Variants in RBFOX1 observed in about 807,000 individuals in gnomAD.
RBFOX1 encodes the protein RNA binding protein fox-1 homolog 1.
A neutral mutation model predicts 57.7 loss-of-function variants in RBFOX1; 8 were observed. That is an observed-to-expected ratio of 0.14 (90% confidence interval 0.08 to 0.25). RBFOX1 has a LOEUF of 0.25. Among genes scored for constraint, RBFOX1 ranks in the 10% least tolerant of loss-of-function variants. The pLI is 1.00. For synonymous variants in RBFOX1, 326 were observed against 222.4 expected (o/e 1.47, Z -4.15); for missense variants, 611 against 548.5 (o/e 1.11, Z -1.14).
chr16:7,695,346 G>T (rs1372689362), intron 14 of RBFOX1, among the ~76,000 whole-genome samples: 1 of 152,084 alleles, frequency 6.6e-6, no homozygotes, highest in African/African-American at 2.4e-5. Context: ...AACAAAGGTT[G>T]TAACTCGTGG....
At chr16:5,490,003 G>T (rs4786693) in intron 2 of RBFOX1, among the ~76,000 whole-genome samples, 99,648 of 152,186 alleles carry the variant, frequency 0.65, 35,216 homozygotes, top group East Asian at 0.84. Flanking sequence ...TGTCTGTCTT[G>T]GTGCTGCCTG....
chr16:7,698,538 T>C (rs574599500), intron 14 of RBFOX1, among the ~76,000 whole-genome samples: 1 of 152,202 alleles, frequency 6.6e-6, no homozygotes, highest in African/African-American at 2.4e-5. Flanking sequence ...AACCTACACA[T>C]GCTGCCAGCT....
rs886802132 is a variant in RBFOX1 at position 6,256,127 on chromosome 16, A to G, written c.-126-60868A>G. On this transcript the variant is annotated intron_variant, in intron 1 of 15. Coordinates refer to ENST00000550418, the MANE Select transcript of RBFOX1 (RefSeq NM_018723.4). ...CATAGCAGTCTCTTATCTGTAACAA[A>G]TATATATATATGTGTGTATATATAT... Among the ~76,000 whole-genome samples the G allele has an allele frequency of 6.5e-4, 23 of 35,462 alleles. 2 individuals are homozygous for G. Among genetic ancestry groups the G allele is most frequent in the African/African-American group, 1.2e-3 (23 of 18,864 alleles). 23.3% of individuals were successfully genotyped at this position (35,462 alleles called of 152,430 possible).
chr16:5,547,706 A>G (rs1285000751), intron 2 of RBFOX1, among the ~76,000 whole-genome samples: 1 of 152,166 alleles, frequency 6.6e-6, no homozygotes, highest in African/African-American at 2.4e-5. Context: ...ATGGAATACT[A>G]CACAGCCGTA....
chr16:6,362,975 A>G (rs922578635), intron 2 of RBFOX1, among the ~76,000 whole-genome samples: 1 of 152,160 alleles, frequency 6.6e-6, no homozygotes, highest in African/African-American at 2.4e-5. Context: ...CCACCTGGGA[A>G]CCACCTCCCT....
At chr16:7,177,446 A>G (rs2081903989) in intron 4 of RBFOX1, among the ~76,000 whole-genome samples, 1 of 151,996 alleles carries the variant, frequency 6.6e-6, no homozygotes, top group Non-Finnish European at 1.5e-5. Context: ...GTAACAAAAT[A>G]CCACAAGCAC....
At chr16:5,273,929 T>C (rs1919059) in intron 1 of RBFOX1, among the ~76,000 whole-genome samples, 152,249 of 152,314 alleles carry the variant, frequency 1, 76,092 homozygotes, top group Non-Finnish European at 1. Flanking sequence ...ACCTGCCAGG[T>C]ATCCAGGGAC....
chr16:6,007,693 G>T (rs1236805218), intron 4 of RBFOX1, among the ~76,000 whole-genome samples: 1 of 152,164 alleles, frequency 6.6e-6, no homozygotes, highest in Non-Finnish European at 1.5e-5. Flanking sequence ...ACATACTTGT[G>T]GGATGAATGA....
downstream of RBFOX1, among the ~76,000 whole-genome samples, chr16:5,602,143 C>T (rs1032758271): frequency 4.6e-5 from 7 of 152,204 alleles, no homozygotes; most frequent in African/African-American, 1.4e-4. Flanking sequence ...TCCTGTCTTG[C>T]CTTGGAATGT....
At chr16:5,762,648 A>T (rs2053631041) in intron 3 of RBFOX1, among the ~76,000 whole-genome samples, 1 of 152,208 alleles carries the variant, frequency 6.6e-6, no homozygotes, top group Non-Finnish European at 1.5e-5. Flanking sequence ...AGTAAGTGGT[A>T]CTCATTGCTG....
Position 7,589,274 on chromosome 16 carries a change from T to C in RBFOX1, c.468+1974T>C, listed in dbSNP as rs142646325. 6.7e-4 allele frequency among the ~76,000 whole-genome samples: 102 copies of C among 152,360 alleles called. 2 individuals are homozygous for C. In the East Asian group the frequency reaches 0.017, roughly 26 times the overall value. On this transcript the variant is annotated intron_variant, in intron 7 of 15. Transcript: ENST00000550418. ...TTTTTAATATGTTTAATTTATATTT[T>C]GTTTTGTAACTTTTGCCAGTTACAA...
Position 7,432,073 on chromosome 16 carries a change from G to C in RBFOX1, c.28-86074G>C, listed in dbSNP as rs548701550. ...TGGGAAGGAGGGTGTCACTTCAGCA[G>C]TGGGGGCAGATGGGTCTTCAGATCC... On this transcript the variant is annotated intron_variant, in intron 4 of 15. Transcript: ENST00000550418. Among the ~76,000 whole-genome samples the C allele has an allele frequency of 2.2e-3, 335 of 152,348 alleles. 1 individual carries two copies. The highest frequency in any genetic ancestry group is 7.6e-3 in the African/African-American group (317 of 41,588).
At chr16:6,143,697 A>G (rs1193600089) in intron 1 of RBFOX1, among the ~76,000 whole-genome samples, 2 of 151,662 alleles carry the variant, frequency 1.3e-5, no homozygotes, top group East Asian at 3.9e-4. Flanking sequence ...TAGCAGCGGT[A>G]GTGGTGGTGG....
intron 4 of RBFOX1, among the ~76,000 whole-genome samples, chr16:5,952,652 G>A (rs1409867259): frequency 6.6e-6 from 1 of 152,156 alleles, no homozygotes; most frequent in African/African-American, 2.4e-5. Context: ...ATAGTGATGG[G>A]TGTAGCTGTA....
At chr16:7,681,335 T>C (rs530883794) in intron 14 of RBFOX1, among the ~76,000 whole-genome samples, 3 of 152,142 alleles carry the variant, frequency 2.0e-5, no homozygotes, top group South Asian at 4.1e-4. Flanking sequence ...CCTCTAATAT[T>C]TCATCATAAG....
intron 4 of RBFOX1, among the ~76,000 whole-genome samples, chr16:7,510,718 C>G (rs2074851854): frequency 6.6e-6 from 1 of 152,130 alleles, no homozygotes; most frequent in African/African-American, 2.4e-5. Context: ...TGGTGTAGAC[C>G]ATGCTCCTAA....
At chr16:7,266,689 A>G (rs967884937) in intron 4 of RBFOX1, among the ~76,000 whole-genome samples, 1 of 152,224 alleles carries the variant, frequency 6.6e-6, no homozygotes. Context: ...TTCTGTGTTC[A>G]TGAGCTTACA....
intron 3 of RBFOX1, among the ~76,000 whole-genome samples, chr16:5,674,951 A>T (rs2050121005): frequency 6.6e-6 from 1 of 152,128 alleles, no homozygotes; most frequent in Non-Finnish European, 1.5e-5. Flanking sequence ...GTTTGAAACC[A>T]GCCTGGACAA....
chr16:7,672,721 GC>G (rs1400439715), intron 13 of RBFOX1, among the ~76,000 whole-genome samples: 1 of 151,770 alleles, frequency 6.6e-6, no homozygotes, highest in East Asian at 1.9e-4. Context: ...ATACAAGTTA[GC>G]CAGGCGTGGT....
Sources: gnomAD v4.1 joint callset for allele counts (sites outside exome capture counted in the v4.1 genomes callset) on GRCh38, gnomAD v4.1.1 for gene constraint, MANE v1.5 for transcripts, NCBI Gene and HGNC (gene_info 2026-07-23, HGNC 2026-07-21) for gene names.